The following ROBO1 variants were observed in gnomAD, a reference collection of about 807,000 sequenced individuals.
The protein encoded by ROBO1 is roundabout homolog 1.
In ROBO1, 149 loss-of-function variants were observed where a neutral mutation model predicts 195.9. The ratio of observed to expected loss-of-function variants is 0.76; its 90% CI spans 0.67 to 0.87. The LOEUF (loss-of-function observed/expected upper bound fraction) is 0.87, where lower values mean the gene tolerates loss of function less well. ROBO1 is among the 40% of genes least tolerant of loss of function. ROBO1 has a pLI of 0.00. For synonymous variants in ROBO1, 816 were observed against 733.2 expected, an observed-to-expected ratio of 1.11 and a Z score of -1.82; for missense variants, 1,933 against 2,068.3, an observed-to-expected ratio of 0.93 and a Z score of 1.27.
At chr3:79,123,460 A>T (rs1576703394) in intron 3 of ROBO1, among the ~76,000 whole-genome samples, 1 of 151,950 alleles carries the variant, frequency 6.6e-6, no homozygotes, top group Admixed American at 6.6e-5. Flanking sequence ...AGTCAACATT[A>T]TTTTTTCTAC....
At chr3:79,274,149 G>A (rs565479662) in intron 2 of ROBO1, among the ~76,000 whole-genome samples, 2 of 151,984 alleles carry the variant, frequency 1.3e-5, no homozygotes, top group African/African-American at 4.8e-5. Flanking sequence ...TTAATCTGTA[G>A]TATACATCAA....
chr3:79,041,559 T>C (rs1576602315), intron 3 of ROBO1, among the ~76,000 whole-genome samples: 1 of 152,200 alleles, frequency 6.6e-6, no homozygotes, highest in African/African-American at 2.4e-5. Context: ...AATTATTTTC[T>C]CTTCTCAAAG....
At chr3:79,544,341 T>A (rs1942184975) in intron 2 of ROBO1, among the ~76,000 whole-genome samples, 3 of 152,090 alleles carry the variant, frequency 2.0e-5, no homozygotes, top group Middle Eastern at 3.4e-3. Context: ...TTTCTAATCA[T>A]TAATTTCCAT....
intron 5 of ROBO1, among the ~76,000 whole-genome samples, chr3:78,735,797 T>A: frequency 6.6e-6 from 1 of 152,154 alleles, no homozygotes; most frequent in Non-Finnish European, 1.5e-5. Flanking sequence ...CGTAATCAAA[T>A]TTAAGTGTCA....
intron 2 of ROBO1, among the ~76,000 whole-genome samples, chr3:79,356,930 C>A (rs1349847751): frequency 6.6e-6 from 1 of 152,094 alleles, no homozygotes; most frequent in African/African-American, 2.4e-5. Context: ...GAAATAATGT[C>A]AATGTTCTCT....
At chr3:79,107,742 G>A (rs2079811123) in intron 3 of ROBO1, among the ~76,000 whole-genome samples, 1 of 151,594 alleles carries the variant, frequency 6.6e-6, no homozygotes, top group Admixed American at 6.6e-5. Context: ...TGATATTGTT[G>A]AATTGATTAA....
intron 3 of ROBO1, among the ~76,000 whole-genome samples, chr3:78,992,755 C>T (rs993865677): frequency 1.3e-5 from 2 of 152,082 alleles, no homozygotes; most frequent in African/African-American, 4.8e-5. Flanking sequence ...AAAAAAGAGT[C>T]TAGAAACACA....
chr3:79,731,080 C>A (rs1703130688), intron 1 of ROBO1, among the ~76,000 whole-genome samples: 2 of 152,082 alleles, frequency 1.3e-5, no homozygotes, highest in Non-Finnish European at 2.9e-5. Flanking sequence ...AGCAAACTTG[C>A]TAGAAGGGTG....
At chr3:78,897,472 A>G (rs1251321894) in intron 4 of ROBO1, among the ~76,000 whole-genome samples, 1 of 152,172 alleles carries the variant, frequency 6.6e-6, no homozygotes, top group Non-Finnish European at 1.5e-5. Context: ...CATTCGGTAG[A>G]TATGTTCATC....
chr3:79,489,475 G>A (rs1452931016), intron 2 of ROBO1, among the ~76,000 whole-genome samples: 1 of 151,902 alleles, frequency 6.6e-6, no homozygotes, highest in Non-Finnish European at 1.5e-5. Context: ...CCAACATGGT[G>A]AAACCCCGTC....
chr3:79,516,527 A>C (rs1940951813), intron 2 of ROBO1, among the ~76,000 whole-genome samples: 1 of 152,138 alleles, frequency 6.6e-6, no homozygotes. Context: ...CATTATTTTT[A>C]GTTACTTTTT....
At chr3:79,216,813 C>A (rs1292679959) in intron 2 of ROBO1, among the ~76,000 whole-genome samples, 2 of 151,962 alleles carry the variant, frequency 1.3e-5, no homozygotes, top group Non-Finnish European at 2.9e-5. Context: ...AATATGGGGA[C>A]ATTTTATCTG....
At chr3:78,946,316 C>G (rs937905023) in intron 3 of ROBO1, among the ~76,000 whole-genome samples, 3 of 152,178 alleles carry the variant, frequency 2.0e-5, no homozygotes, top group African/African-American at 7.2e-5. Flanking sequence ...AGACTAACAG[C>G]TAATCTCTTG....
intron 2 of ROBO1, among the ~76,000 whole-genome samples, chr3:79,544,596 T>C (rs1311377315): frequency 6.6e-6 from 1 of 152,026 alleles, no homozygotes; most frequent in Non-Finnish European, 1.5e-5. Context: ...ATTTTTGTAA[T>C]ATTATCGATT....
At chr3:79,126,870 C>A (rs1027177443) in intron 2 of ROBO1, among the ~76,000 whole-genome samples, 1 of 152,132 alleles carries the variant, frequency 6.6e-6, no homozygotes, top group South Asian at 2.1e-4. Context: ...TTTGGAAATT[C>A]TTAAAAAAGG....
chr3:78,803,291 A>T (rs2084424822), intron 4 of ROBO1, among the ~76,000 whole-genome samples: 1 of 152,150 alleles, frequency 6.6e-6, no homozygotes, highest in Admixed American at 6.5e-5. Context: ...AATGTCTAGA[A>T]AATCCTGTGT....
chr3:79,700,809 A>G (rs1432781826), intron 1 of ROBO1, among the ~76,000 whole-genome samples: 2 of 151,692 alleles, frequency 1.3e-5, no homozygotes, highest in Admixed American at 6.6e-5. Context: ...ATTTTCTCCC[A>G]TTCTGTGGGT....
chr3:79,283,690 T>C (rs920014135), intron 2 of ROBO1, among the ~76,000 whole-genome samples: 8 of 150,398 alleles, frequency 5.3e-5, no homozygotes, highest in Non-Finnish European at 1.2e-4. Context: ...TCCACATTTA[T>C]CCATGAATTC....
intron 2 of ROBO1, among the ~76,000 whole-genome samples, chr3:79,135,159 A>T (rs1169863611): frequency 2.0e-5 from 3 of 152,174 alleles, no homozygotes; most frequent in Non-Finnish European, 4.4e-5. Context: ...CTCCTAACTG[A>T]AATTTTATGT....
Sources: gnomAD v4.1 joint callset for allele counts (sites outside exome capture counted in the v4.1 genomes callset) on GRCh38, gnomAD v4.1.1 for gene constraint, MANE v1.5 for transcripts, NCBI Gene and HGNC (gene_info 2026-07-23, HGNC 2026-07-21) for gene names.